Variants in ARHGAP28 observed in about 807,000 individuals in gnomAD.
ARHGAP28 encodes Rho GTPase activating protein 28, also known as rho GTPase-activating protein 28.
Under a neutral mutation model 90.7 loss-of-function variants are expected in ARHGAP28, and 56 were observed. The ratio of observed to expected loss-of-function variants is 0.62; its 90% CI spans 0.50 to 0.77. The LOEUF (loss-of-function observed/expected upper bound fraction) is 0.77, where lower values mean the gene tolerates loss of function less well. Ranked by LOEUF, ARHGAP28 falls within the 30% of genes least tolerant of loss-of-function variation. The pLI is 0.00. For missense variants in ARHGAP28, 869 were observed against 900.9 expected, an observed-to-expected ratio of 0.96 and a Z score of 0.45; for synonymous variants, 308 against 323.3, an observed-to-expected ratio of 0.95 and a Z score of 0.51.
intron 4 of ARHGAP28, among the ~76,000 whole-genome samples, chr18:6,854,312 T>C (rs1440112496): frequency 6.6e-6 from 1 of 152,204 alleles, no homozygotes; most frequent in East Asian, 1.9e-4. Context: ...TTTTTGTGTT[T>C]GTTCTCTCTG....
At chr18:6,863,743 A>C (rs2057015756) in intron 5 of ARHGAP28, among the ~76,000 whole-genome samples, 1 of 150,978 alleles carries the variant, frequency 6.6e-6, no homozygotes, top group Non-Finnish European at 1.5e-5. Context: ...TGTTTATGAA[A>C]CCTCCAAAGC....
rs1000670981 is a variant in ARHGAP28, at chr18:6,862,853, T to A, written c.726+2956T>A. ...TCCTTCAGTGAGGTTTTATAATTTA[T>A]TCCTTTAAGTCTTACACGCATTTTC... On this transcript the variant is annotated intron_variant, in intron 5 of 17. Transcript: ENST00000383472. Among the ~76,000 whole-genome samples, 3 of 152,214 alleles carry A rather than the reference T, an allele frequency of 2.0e-5. No homozygotes were observed. In the East Asian group the frequency reaches 5.8e-4, roughly 29 times the overall value.
intron 1 of ARHGAP28, among the ~76,000 whole-genome samples, chr18:6,781,480 C>T (rs956230742): frequency 1.3e-5 from 2 of 152,208 alleles, no homozygotes; most frequent in South Asian, 2.1e-4. Context: ...AAAGTGGGCA[C>T]CCCTCAGGCT....
chr18:6,893,866 G>GA (rs1377465542), intron 14 of ARHGAP28, among the ~76,000 whole-genome samples: 27 of 81,980 alleles, frequency 3.3e-4, no homozygotes, highest in Non-Finnish European at 1.3e-4. Context: ...ATTGCTTTTT[G>GA]GTTTTTTTTT....
intron 7 of ARHGAP28, among the ~76,000 whole-genome samples, 194 bp from the exon 8 acceptor site, chr18:6,873,215 A>G (rs949815027): frequency 1.3e-5 from 2 of 150,244 alleles, no homozygotes; most frequent in Non-Finnish European, 2.9e-5. Context: ...TTTTGCTTCT[A>G]ATTAGCATAG....
intron 1 of ARHGAP28, among the ~76,000 whole-genome samples, chr18:6,806,209 A>T (rs1298532151): frequency 1.3e-5 from 2 of 151,842 alleles, no homozygotes; most frequent in African/African-American, 4.8e-5. Context: ...TCCTTTTTTC[A>T]TTCTTCTTTT....
intron 1 of ARHGAP28, among the ~76,000 whole-genome samples, chr18:6,809,869 G>A (rs2056544340): frequency 1.3e-5 from 2 of 152,118 alleles, no homozygotes; most frequent in South Asian, 4.2e-4. Context: ...ACCTAGAATG[G>A]TGTCTGGCAT....
intron 6 of ARHGAP28, among the ~76,000 whole-genome samples, chr18:6,868,659 T>C (rs1268307089): frequency 1.3e-5 from 2 of 152,040 alleles, no homozygotes; most frequent in Admixed American, 6.6e-5. Flanking sequence ...CCTCTTCCGC[T>C]TGAGAGGTGG....
In ARHGAP28 at chr18:6,847,603, G is replaced by A. The variant is rs558937635; in HGVS notation, c.544-3431G>A. Among the ~76,000 whole-genome samples, 12 of 138,644 alleles carry A rather than the reference G, an allele frequency of 8.7e-5. 1 individual carries two copies. The highest frequency in any genetic ancestry group is 2.8e-4 in the African/African-American group (10 of 36,186). The allele number at this position is 138,644 out of a possible 152,430, so 91.0% of individuals were successfully genotyped here. On this transcript the variant is annotated intron_variant, in intron 3 of 17. Transcript: ENST00000383472. ...AGAAGATAACAATGTAGATAATCAC[G>A]AAAGGATGAGAGAGAGAGAGAGTGG...
In ARHGAP28 at chr18:6,912,144, A is replaced by G; in HGVS notation, c.2180A>G (p.Gln727Arg). 3 of 1,585,078 alleles carry G rather than the reference A, an allele frequency of 1.9e-6. No homozygotes were observed. Among genetic ancestry groups the G allele is most frequent in the Non-Finnish European group, 2.6e-6 (3 of 1,156,696 alleles). ...GCAGAATGGGTGATTAAACCCCAAC[A>G]AAGTTCTTAAAATATCCTCGAGAGA... ...PQAEWVIKPQ[Q>R]SS The change falls in exon 18 of 18, where the codon CAA (glutamine) becomes CGA (arginine). Residue 727 changes from glutamine to arginine, a missense_variant. Transcript: ENST00000383472.
chr18:6,871,236 T>C (rs904855529), intron 7 of ARHGAP28, among the ~76,000 whole-genome samples: 1 of 152,224 alleles, frequency 6.6e-6, no homozygotes. Context: ...GCTGTACCTG[T>C]GTGGAGGAAA....
chr18:6,870,885 C>T (rs891806450), intron 7 of ARHGAP28, among the ~76,000 whole-genome samples, 153 bp downstream of exon 7: 8 of 152,018 alleles, frequency 5.3e-5, no homozygotes, highest in South Asian at 2.1e-4. Flanking sequence ...ACTGCAAGCT[C>T]TGCCTCCCGG....
chr18:6,873,886 A>G (rs2057110385), intron 9 of ARHGAP28, 111 bp downstream of exon 9: 1 of 913,632 alleles, frequency 1.1e-6, no homozygotes, highest in East Asian at 2.6e-5. Context: ...CTATCGCCCT[A>G]TTAGGACTCA....
At chr18:6,860,809 A>C (rs1199978210) in intron 5 of ARHGAP28, among the ~76,000 whole-genome samples, 1 of 152,194 alleles carries the variant, frequency 6.6e-6, no homozygotes, top group Admixed American at 6.5e-5. Flanking sequence ...TTGCACAGTG[A>C]TCATGTAAGA....
At chr18:6,867,517 C>CA (rs369688949) in intron 5 of ARHGAP28, among the ~76,000 whole-genome samples, 124 of 152,268 alleles carry the variant, frequency 8.1e-4, no homozygotes, top group African/African-American at 2.9e-3. Context: ...GTTTGCTTCA[C>CA]AGGCCTTTAC....
intron 1 of ARHGAP28, chr18:6,778,900 T>C (rs991117597): frequency 4.6e-5 from 7 of 152,228 alleles, no homozygotes; most frequent in African/African-American, 1.7e-4. Context: ...TCTATTGGAT[T>C]TGGAAGACTA....
chr18:6,830,280 C>T (rs2056704860), intron 2 of ARHGAP28, among the ~76,000 whole-genome samples: 1 of 151,862 alleles, frequency 6.6e-6, no homozygotes, highest in Admixed American at 6.6e-5. Context: ...GGATTTTATT[C>T]ACTCTTTCTT....
rs554805777 is a variant in ARHGAP28, at chr18:6,794,768, G to A, written c.123-29994G>A. ...ACAGATCATAGCTCACTGCAGCCTC[G>A]ACCTCCTGGGCTCAAGCAATCCTCT... On this transcript the variant is annotated intron_variant, in intron 1 of 17. Transcript: ENST00000383472. Among the ~76,000 whole-genome samples, 10 of 152,054 alleles carry A rather than the reference G, an allele frequency of 6.6e-5. No individual in the cohort carries two copies. The South Asian group carries it at 1.0e-3, about 16-fold the overall frequency.
At chr18:6,828,421 TA>T (rs2056691553) in intron 2 of ARHGAP28, among the ~76,000 whole-genome samples, 1 of 149,262 alleles carries the variant, frequency 6.7e-6, no homozygotes, top group Non-Finnish European at 1.5e-5. Flanking sequence ...GAGAGCTCTT[TA>T]GTTTAATCAG....
Sources: allele counts gnomAD v4.1 joint callset (sites outside exome capture counted in the v4.1 genomes callset), GRCh38; gene constraint gnomAD v4.1.1; transcripts MANE v1.5; gene names NCBI Gene and HGNC (gene_info 2026-07-23, HGNC 2026-07-21).